The following CHODL variants were observed in gnomAD, a reference collection of about 807,000 sequenced individuals.
CHODL encodes chondrolectin.
A neutral mutation model predicts 34.5 loss-of-function variants in CHODL; 29 were observed. The ratio of observed to expected loss-of-function variants is 0.84; its 90% CI spans 0.63 to 1.15. The LOEUF is 1.15. CHODL is among the 50% of genes most tolerant of loss of function. The probability of loss-of-function intolerance (pLI) is 0.00; values close to 1 mark genes in which losing one functional copy is unlikely to be tolerated. For synonymous variants in CHODL, 125 were observed against 116.1 expected (o/e 1.08, Z -0.49); for missense variants, 332 against 332.5 (o/e 1.00, Z 0.01).
At chr21:18,190,865 A>G (rs188673415) in intron 2 of CHODL, among the ~76,000 whole-genome samples, 3 of 152,178 alleles carry the variant, frequency 2.0e-5, no homozygotes, top group Admixed American at 6.5e-5. Context: ...TCCAAGAAAA[A>G]TATTTTGCTG....
intron 1 of CHODL, among the ~76,000 whole-genome samples, chr21:17,978,571 A>T (rs963716642): frequency 6.6e-6 from 1 of 151,448 alleles, no homozygotes; most frequent in African/African-American, 2.4e-5. Flanking sequence ...ACAAAAAATT[A>T]GCTGGGCGTG....
At chr21:18,135,915 C>T (rs1182505112) in intron 2 of CHODL, among the ~76,000 whole-genome samples, 2 of 151,630 alleles carry the variant, frequency 1.3e-5, no homozygotes, top group Non-Finnish European at 2.9e-5. Context: ...AAGACAATCC[C>T]GGCCGACATG....
At chr21:17,985,292 T>C (rs2063744914) in intron 1 of CHODL, among the ~76,000 whole-genome samples, 1 of 152,194 alleles carries the variant, frequency 6.6e-6, no homozygotes, top group Non-Finnish European at 1.5e-5. Flanking sequence ...ACTTTCTTCA[T>C]TGTATCAAGA....
chr21:18,192,766 A>G (rs1292027944), intron 2 of CHODL, among the ~76,000 whole-genome samples: 1 of 152,144 alleles, frequency 6.6e-6, no homozygotes, highest in Non-Finnish European at 1.5e-5. Context: ...CCCATTTTAT[A>G]TCTTTATTAA....
intron 3 of CHODL, among the ~76,000 whole-genome samples, chr21:18,259,370 T>C (rs544889464): frequency 1.3e-5 from 2 of 151,794 alleles, no homozygotes; most frequent in Non-Finnish European, 2.9e-5. Flanking sequence ...AATTTTAAAG[T>C]GTGTAGCAAG....
chr21:18,256,608 C>T lies in CHODL; in HGVS notation c.179C>T (p.Ala60Val). 6.2e-7 allele frequency: 1 copy of T among 1,613,866 alleles called. No individual in the cohort carries two copies. The highest frequency in any genetic ancestry group is 8.5e-7 in the Non-Finnish European group (1 of 1,179,960). ...GTGAGCTTTCAGGAGGCACGCCTGG[C>T]TTGTGAGAGTGAGGGAGGAGTCCTC... ...SRVSFQEARL[A>V]CESEGGVLLS... Residue 60 changes from alanine to valine, a missense_variant, in exon 2 of 6, where the codon GCT (alanine) becomes GTT (valine). Ala to Val is a moderately conservative substitution (Grantham distance 64, BLOSUM62 0). Transcript: ENST00000299295.
chr21:17,974,022 A>C (rs1297182357), intron 1 of CHODL, among the ~76,000 whole-genome samples: 2 of 152,262 alleles, frequency 1.3e-5, no homozygotes, highest in East Asian at 3.9e-4. Flanking sequence ...TGGCTTATCT[A>C]CTTCTCTGTG....
intron 2 of CHODL, among the ~76,000 whole-genome samples, chr21:18,188,091 C>G (rs1015525204): frequency 6.6e-6 from 1 of 151,738 alleles, no homozygotes; most frequent in African/African-American, 2.4e-5. Context: ...ATTTTAGCAG[C>G]CTTTATTAAA....
chr21:18,104,643 G>T (rs2065253248), intron 2 of CHODL, among the ~76,000 whole-genome samples: 1 of 152,148 alleles, frequency 6.6e-6, no homozygotes, highest in East Asian at 1.9e-4. Flanking sequence ...TGACATACTT[G>T]AAGAACCTAG....
chr21:18,195,948 C>T (rs1044735842), intron 2 of CHODL, among the ~76,000 whole-genome samples: 3 of 152,106 alleles, frequency 2.0e-5, no homozygotes, highest in African/African-American at 7.2e-5. Context: ...AGGTCAGAGG[C>T]ATGTGACAAC....
chr21:17,992,637 C>G (rs1053488940), intron 1 of CHODL, among the ~76,000 whole-genome samples: 2 of 147,122 alleles, frequency 1.4e-5, no homozygotes, highest in Non-Finnish European at 3.0e-5. Flanking sequence ...TATAGAAATG[C>G]TTCTGATTTT....
intron 1 of CHODL, among the ~76,000 whole-genome samples, chr21:17,954,809 A>T (rs1287510800): frequency 3.0e-5 from 4 of 132,040 alleles, no homozygotes; most frequent in African/African-American, 1.0e-4. Flanking sequence ...AATTATTCAT[A>T]ATTCTCTCTC....
Position 17,929,545 on chromosome 21 carries a change from T to G in CHODL, c.-145+12145T>G, listed in dbSNP as rs145387291. Among the ~76,000 whole-genome samples the G allele has an allele frequency of 7.6e-3, 1,157 of 152,310 alleles. 18 individuals carry two copies. Among genetic ancestry groups the G allele is most frequent in the African/African-American group, 0.026 (1,077 of 41,574 alleles). On this transcript the variant is annotated intron_variant, in intron 1 of 6. Transcript: ENST00000400127. ...TGGAAAGCAAAGAAAGGTGAAGCCA[T>G]GCAGCCTGCTGAGCTGGGATTGGTA...
chr21:18,225,359 G>A (rs2073921609), intron 2 of CHODL, among the ~76,000 whole-genome samples: 1 of 152,068 alleles, frequency 6.6e-6, no homozygotes, highest in Non-Finnish European at 1.5e-5. Flanking sequence ...TGCATTTAAG[G>A]ACGATTGCTT....
At chr21:17,986,711 T>C (rs1466554667) in intron 1 of CHODL, among the ~76,000 whole-genome samples, 1 of 152,232 alleles carries the variant, frequency 6.6e-6, no homozygotes, top group Non-Finnish European at 1.5e-5. Flanking sequence ...ATGGTATTTC[T>C]AGTTCTAGGT....
chr21:18,195,843 T>C (rs2073581350), intron 2 of CHODL, among the ~76,000 whole-genome samples: 1 of 152,198 alleles, frequency 6.6e-6, no homozygotes, highest in African/African-American at 2.4e-5. Context: ...ATTTAAATAA[T>C]AAATAAATCA....
chr21:18,097,626 T>C (rs540442742), intron 2 of CHODL, among the ~76,000 whole-genome samples: 3 of 152,170 alleles, frequency 2.0e-5, no homozygotes, highest in East Asian at 1.9e-4. Context: ...TTAATATTAT[T>C]AAAATATCCA....
chr21:18,092,531 TCAGA>T (rs1275869717), intron 2 of CHODL, among the ~76,000 whole-genome samples: 1 of 152,146 alleles, frequency 6.6e-6, no homozygotes, highest in Non-Finnish European at 1.5e-5. Context: ...ATCTGGCCTT[TCAGA>T]CAGAGAATTC....
In CHODL at chr21:18,106,461, G is replaced by A. The variant is rs186051403; in HGVS notation, c.-45+78490G>A. 5.4e-3 allele frequency among the ~76,000 whole-genome samples: 820 copies of A among 151,358 alleles called. 7 individuals carry two copies. Among genetic ancestry groups the A allele is most frequent in the Non-Finnish European group, 6.4e-3 (431 of 67,828 alleles). On this transcript the variant is annotated intron_variant, in intron 2 of 6. Coordinates refer to the CHODL transcript ENST00000400127. ...TATACATACTTTTGAAATATTTTTT[G>A]TTACTAGATCTTTCTTTTTTCTTTT...
Sources: allele counts gnomAD v4.1 joint callset (sites outside exome capture counted in the v4.1 genomes callset), GRCh38; gene constraint gnomAD v4.1.1; transcripts MANE v1.5; gene names NCBI Gene and HGNC (gene_info 2026-07-23, HGNC 2026-07-21).